The following CREB3L4 variants were observed in gnomAD, a reference collection of about 807,000 sequenced individuals.
CREB3L4 encodes cAMP responsive element binding protein 3 like 4.
In CREB3L4, 28 loss-of-function variants were observed where a neutral mutation model predicts 37.0. The observed-to-expected ratio is 0.76, with a 90% CI of 0.56 to 1.04. The LOEUF (loss-of-function observed/expected upper bound fraction) is 1.04. Ranked by LOEUF, CREB3L4 falls within the 50% of genes least tolerant of loss-of-function variation. The pLI is 0.00. For missense variants in CREB3L4, 462 were observed against 486.0 expected (o/e 0.95, Z 0.46); for synonymous variants, 175 against 192.2 (o/e 0.91, Z 0.74).
intron 4 of CREB3L4, among the ~76,000 whole-genome samples, chr1:153,970,739 CTTTTTTTTT>C (rs35553007): frequency 1.1e-5 from 1 of 87,152 alleles, no homozygotes; most frequent in Non-Finnish European, 2.1e-5. Flanking sequence ...ATCTTAGAAT[CTTTTTTTTT>C]TTTTTTTTTT....
At chr1:153,973,324 C>T in intron 7 of CREB3L4, 56 bp from the exon 8 acceptor site, 1 of 1,608,602 alleles carries the variant, frequency 6.2e-7, no homozygotes, top group Non-Finnish European at 8.5e-7. Context: ...CACAGGGGTG[C>T]CATTCTTGGC....
Position 153,968,606 on chromosome 1 carries a change from G to A in CREB3L4, c.81G>A (p.Glu27=). The A allele has an allele frequency of 3.1e-6, 5 of 1,614,140 alleles. No homozygotes were observed. The highest frequency in any genetic ancestry group is 1.6e-4 in the Middle Eastern group (1 of 6,062). ...TCTTCTCGACAGGATCCGTCCTGGA[G>A]CTGGGACTCCACTGCCCCCCTCCAG... ...EDIFSTGSVL[E]LGLHCPPPEV... Residue 27 remains glutamate, a synonymous_variant, in exon 2 of 10, where the codon GAG becomes GAA. Coordinates refer to ENST00000368607, the MANE Select transcript of CREB3L4 (RefSeq NM_001255978.2).
intron 8 of CREB3L4, 56 bp downstream of exon 8, chr1:153,973,520 A>C (rs1648610441): frequency 6.3e-7 from 1 of 1,580,874 alleles, no homozygotes; most frequent in Non-Finnish European, 8.7e-7. Context: ...TTATACCCCG[A>C]CTACCCGGCC....
chr1:153,971,514 C>T (rs1354451582), intron 4 of CREB3L4, among the ~76,000 whole-genome samples: 1 of 151,884 alleles, frequency 6.6e-6, no homozygotes, highest in African/African-American at 2.4e-5. Context: ...AGCAATCCTC[C>T]TGTCTTGACC....
In CREB3L4 at chr1:153,968,977, T is replaced by C; in HGVS notation, c.222T>C (p.Asp74=). Residue 74 remains aspartate (D), a synonymous_variant, in exon 3 of 10, where the codon GAT becomes GAC. Coordinates refer to ENST00000368607, the MANE Select transcript of CREB3L4 (RefSeq NM_001255978.2). ...EPEDFLKLFI[D]PNEVYCSEAS... ...AAGATTTCTTGAAGCTTTTCATTGA[T>C]CCCAATGAGGTGTACTGCTCAGAAG... 6.2e-7 allele frequency: 1 copy of C among 1,613,420 alleles called. No individual in the cohort carries two copies. The highest frequency in any genetic ancestry group is 1.1e-5 in the South Asian group (1 of 91,032).
rs755824348 is a variant in CREB3L4 at position 153,973,111 on chromosome 1, C to T, written c.743+33C>T. ...TGGGTTATTTCTGGCTTCTTGTGGG[C>T]CATGTCTGGGCCCCTTCCTCACCAT... On this transcript the variant is annotated intron_variant, in intron 6 of 9. Coordinates refer to ENST00000368607, the MANE Select transcript of CREB3L4 (RefSeq NM_001255978.2). 1.5e-4 allele frequency: 236 copies of T among 1,611,928 alleles called. 1 individual carries two copies. The highest frequency in any genetic ancestry group is 6.0e-4 in the South Asian group (55 of 91,012).
intron 5 of CREB3L4, 57 bp downstream of exon 5, chr1:153,972,893 G>A (rs757994702): frequency 6.3e-7 from 1 of 1,599,224 alleles, no homozygotes; most frequent in Admixed American, 1.7e-5. Flanking sequence ...GACCTCTGAG[G>A]GGCCAATATC....
At chr1:153,972,632 T>C (rs1286728675) in intron 4 of CREB3L4, 112 bp from the exon 5 acceptor site, 8 of 773,246 alleles carry the variant, frequency 1.0e-5, no homozygotes, top group Admixed American at 1.0e-4. Context: ...TAAAGTTGTC[T>C]CCCAGTGAGG....
chr1:153,970,739 C>CTTTTTTTTTT (rs35553007), intron 4 of CREB3L4, among the ~76,000 whole-genome samples: 1 of 87,150 alleles, frequency 1.1e-5, no homozygotes, highest in African/African-American at 4.5e-5. Flanking sequence ...ATCTTAGAAT[C>CTTTTTTTTTT]TTTTTTTTTT....
chr1:153,969,419 A>T lies in CREB3L4; in HGVS notation c.507A>T (p.Arg169Ser). 6.2e-7 allele frequency: 1 copy of T among 1,614,018 alleles called. No individual in the cohort carries two copies. The highest frequency in any genetic ancestry group is 8.5e-7 in the Non-Finnish European group (1 of 1,179,984). The change falls in exon 4 of 10, where the codon AGA becomes AGT. Residue 169 changes from arginine to serine, a missense_variant. Coordinates refer to ENST00000368607, the MANE Select transcript of CREB3L4 (RefSeq NM_001255978.2). The part of the protein sequence containing the change: ...PFDAHAHILP[R>S]AGTVAPVPCT... ...ATGCTCATGCCCACATCCTGCCCAG[A>T]GCAGGCACCGTAGCCCCAGTGCCCT... is the stretch of plus-strand genomic sequence containing the variant.
chr1:153,968,458 T>C (rs1647978742), intron 1 of CREB3L4, 64 bp from the exon 2 acceptor site: 1 of 1,476,814 alleles, frequency 6.8e-7, no homozygotes, highest in Admixed American at 1.8e-5. Flanking sequence ...CCAGAAACTG[T>C]AGGGGGTAGT....
At chr1:153,971,063 T>G (rs1434507534) in intron 4 of CREB3L4, among the ~76,000 whole-genome samples, 1 of 128,774 alleles carries the variant, frequency 7.8e-6, no homozygotes, top group Non-Finnish European at 1.6e-5. Flanking sequence ...AATCTTGAGC[T>G]GAGGAACCTT....
At chr1:153,972,943 C>T (rs1648534005) in intron 5 of CREB3L4, 29 bp from the exon 6 acceptor site, 1 of 1,609,330 alleles carries the variant, frequency 6.2e-7, no homozygotes, top group Admixed American at 1.7e-5. Flanking sequence ...GGTGAAGGAC[C>T]CAGGACTCAC....
intron 4 of CREB3L4, 126 bp downstream of exon 4, chr1:153,969,581 G>A (rs1037955625): frequency 9.3e-7 from 1 of 1,076,072 alleles, no homozygotes; most frequent in African/African-American, 1.6e-5. Context: ...GTGGCATTGG[G>A]CCTGAAGACC....
In CREB3L4 at chr1:153,968,910, A is replaced by G; in HGVS notation, c.175-20A>G. 1.3e-6 allele frequency: 2 copies of G among 1,589,534 alleles called. No homozygotes were observed. Among genetic ancestry groups the G allele is most frequent in the Non-Finnish European group, 1.7e-6 (2 of 1,168,106 alleles). On this transcript the variant is annotated intron_variant, in intron 2 of 9. Transcript: ENST00000368607. ...CCAAAATTCTTCCCTGCACATATATATAACCTTTTCCTACTGTAGGGCCTT... is the reference window on the plus strand; with the variant it reads ...CCAAAATTCTTCCCTGCACATATATGTAACCTTTTCCTACTGTAGGGCCTT...
chr1:153,972,046 C>T (rs1251794430), intron 4 of CREB3L4, among the ~76,000 whole-genome samples: 1 of 152,220 alleles, frequency 6.6e-6, no homozygotes, highest in Non-Finnish European at 1.5e-5. Context: ...TGGTCTTGAA[C>T]TTCTGACCTC....
chr1:153,972,322 G>C (rs1177127138), intron 4 of CREB3L4, among the ~76,000 whole-genome samples: 1 of 152,140 alleles, frequency 6.6e-6, no homozygotes, highest in Non-Finnish European at 1.5e-5. Context: ...TGAGGTTGAC[G>C]GGCAACTGGA....
chr1:153,969,871 C>T lies in CREB3L4; in HGVS notation c.543+416C>T, dbSNP rs139569171. 552 of 181,582 alleles carry T rather than the reference C, an allele frequency of 3.0e-3. 6 individuals are homozygous for T. The highest frequency in any genetic ancestry group is 0.012 in the African/African-American group (522 of 42,014). The allele number at this position is 181,582 out of a possible 1,614,324, so 11.2% of individuals were successfully genotyped here. A position where few individuals can be genotyped will look rare whatever the true frequency, so the allele number is the denominator to read the frequency against. ...GTTCAAGTGATCTGCCTACCTCAGCCTCCCAGGGTGGTGGGATTACAGGCA... is the reference window on the plus strand; with the variant it reads ...GTTCAAGTGATCTGCCTACCTCAGCTTCCCAGGGTGGTGGGATTACAGGCA... On this transcript the variant is annotated intron_variant, in intron 4 of 9. Coordinates refer to ENST00000368607, the MANE Select transcript of CREB3L4 (RefSeq NM_001255978.2).
intron 4 of CREB3L4, among the ~76,000 whole-genome samples, chr1:153,969,991 C>T (rs940683662): frequency 1.3e-4 from 20 of 148,762 alleles, no homozygotes; most frequent in Non-Finnish European, 1.5e-5. Flanking sequence ...TGTGGTGGCA[C>T]CATCTCAGCT....
Sources: gnomAD v4.1 joint callset for allele counts (sites outside exome capture counted in the v4.1 genomes callset) on GRCh38, gnomAD v4.1.1 for gene constraint, MANE v1.5 for transcripts, NCBI Gene and HGNC (gene_info 2026-07-23, HGNC 2026-07-21) for gene names.